The following SLC41A2 variants were observed in gnomAD, a reference collection of about 807,000 sequenced individuals.
The protein encoded by SLC41A2 is solute carrier family 41 member 2.
Under a neutral mutation model 58.3 loss-of-function variants are expected in SLC41A2, and 32 were observed. The ratio of observed to expected loss-of-function variants is 0.55; its 90% CI spans 0.41 to 0.74. The LOEUF is 0.74. Among genes scored for constraint, SLC41A2 ranks in the 30% least tolerant of loss-of-function variants. The probability of loss-of-function intolerance (pLI) is 0.00; values close to 1 mark genes in which losing one functional copy is unlikely to be tolerated. For missense variants in SLC41A2, 514 were observed against 680.6 expected (o/e 0.76, Z 2.72); for synonymous variants, 190 against 235.0 (o/e 0.81, Z 1.75).
At chr12:104,833,744 T>C (rs1416941019) in intron 10 of SLC41A2, among the ~76,000 whole-genome samples, 1 of 152,102 alleles carries the variant, frequency 6.6e-6, no homozygotes, top group African/African-American at 2.4e-5. Context: ...TAAAAATAGC[T>C]AAACATTTTC....
chr12:104,892,328 A>AAAAAAAAACAAAAAAAAAAAAC (rs1272873332), intron 4 of SLC41A2, among the ~76,000 whole-genome samples: 2 of 126,928 alleles, frequency 1.6e-5, no homozygotes, highest in African/African-American at 7.4e-5. Context: ...AAATAAAATA[A>AAAAAAAAACAAAAAAAAAAAAC]AATAAAATAT....
At chr12:104,927,176 A>G (rs2046877083) in intron 2 of SLC41A2, among the ~76,000 whole-genome samples, 1 of 152,226 alleles carries the variant, frequency 6.6e-6, no homozygotes, top group South Asian at 2.1e-4. Context: ...GCGACTTGAC[A>G]GTATCTACAA....
At chr12:104,816,841 T>A (rs1391636383) in intron 10 of SLC41A2, among the ~76,000 whole-genome samples, 1 of 152,158 alleles carries the variant, frequency 6.6e-6, no homozygotes, top group African/African-American at 2.4e-5. Flanking sequence ...AGGGGAGGAT[T>A]GGTTGCAGGA....
At position 104,856,756 on chromosome 12, in the gene SLC41A2, T is replaced by C. The variant is rs552094801; in HGVS notation, c.1255+4535A>G. The stretch of plus-strand genomic sequence containing the variant: ...AGATAGGGGTGAAAGAAGTTAAAAA[T>C]AGACATTGTTAGAGATACGAACAGA... On this transcript the variant is annotated intron_variant, in intron 8 of 10. Coordinates refer to ENST00000258538, the MANE Select transcript of SLC41A2 (RefSeq NM_001352171.3). Among the ~76,000 whole-genome samples the C allele has an allele frequency of 9.9e-5, 15 of 151,822 alleles. No homozygotes were observed. The East Asian group carries it at 1.7e-3, about 18-fold the overall frequency.
Position 104,909,677 on chromosome 12 carries a change from A to G in SLC41A2, c.641T>C (p.Leu214Ser). ...TACTGCAGTGGATAATCTGGATGCCAATGTCATTTCCAAGTTCCCTTTGAG... is the reference window on the plus strand; with the variant it reads ...TACTGCAGTGGATAATCTGGATGCCGATGTCATTTCCAAGTTCCCTTTGAG... Reference protein sequence around the residue: ...LGLKGNLEMTLASRLSTAVNI... With the variant: ...LGLKGNLEMTSASRLSTAVNI... Residue 214 changes from leucine to serine, a missense_variant, in exon 3 of 11, where the codon TTG becomes TCG. This residue lies in a region of SLC41A2 where 336 missense variants were observed against 430.0 expected (regional missense o/e 0.78). Transcript: ENST00000258538. 6.2e-7 allele frequency: 1 copy of G among 1,610,516 alleles called. No homozygotes were observed. The highest frequency in any genetic ancestry group is 8.5e-7 in the Non-Finnish European group (1 of 1,178,920).
Position 104,831,446 on chromosome 12 carries a change from C to T in SLC41A2, c.1536+13026G>A, listed in dbSNP as rs143456422. 1.8e-3 allele frequency among the ~76,000 whole-genome samples: 277 copies of T among 152,290 alleles called. 1 individual carries two copies. The highest frequency in any genetic ancestry group is 3.1e-3 in the Non-Finnish European group (208 of 68,004). On this transcript the variant is annotated intron_variant, in intron 10 of 10. Transcript: ENST00000258538. ...CCCACAGTCATGCTCCAAATAATGA[C>T]ATTTCTGTTAACAATGGACCACATA... is the stretch of plus-strand genomic sequence containing the variant.
chr12:104,855,796 CG>C (rs1473635784), intron 8 of SLC41A2, among the ~76,000 whole-genome samples: 3 of 152,098 alleles, frequency 2.0e-5, no homozygotes, highest in African/African-American at 7.2e-5. Context: ...AGGAAGTATG[CG>C]ATTGGGGATA....
intron 4 of SLC41A2, among the ~76,000 whole-genome samples, chr12:104,894,479 T>A (rs1593090899): frequency 6.6e-6 from 1 of 152,176 alleles, no homozygotes; most frequent in Admixed American, 6.5e-5. Flanking sequence ...ACAGCTGAGG[T>A]CAGATCTCAG....
chr12:104,822,605 G>GA (rs1217455708), intron 10 of SLC41A2, among the ~76,000 whole-genome samples: 3 of 151,996 alleles, frequency 2.0e-5, no homozygotes, highest in African/African-American at 7.3e-5. Flanking sequence ...TCAATAAACT[G>GA]AAAAACAAAA....
At chr12:104,873,341 ATGT>A (rs2043880644) in intron 6 of SLC41A2, among the ~76,000 whole-genome samples, 1 of 152,188 alleles carries the variant, frequency 6.6e-6, no homozygotes, top group Non-Finnish European at 1.5e-5. Context: ...AGGTTCATTC[ATGT>A]TGTTGCAAAT....
At chr12:104,872,563 G>A (rs371535301) in intron 6 of SLC41A2, among the ~76,000 whole-genome samples, 197 of 152,122 alleles carry the variant, frequency 1.3e-3, no homozygotes, top group Middle Eastern at 6.8e-3. Flanking sequence ...GCAAAATCCC[G>A]TCTCTACTAA....
At chr12:104,905,821 A>C (rs2045818397) in intron 3 of SLC41A2, among the ~76,000 whole-genome samples, 1 of 152,338 alleles carries the variant, frequency 6.6e-6, no homozygotes, top group Admixed American at 6.5e-5. Flanking sequence ...GGGGCCCACC[A>C]AGCCCACGCC....
chr12:104,840,732 T>G (rs2042381438), intron 10 of SLC41A2, among the ~76,000 whole-genome samples: 2 of 152,216 alleles, frequency 1.3e-5, no homozygotes, highest in Non-Finnish European at 2.9e-5. Context: ...AGCTTCCTTC[T>G]AATTGCAAGA....
intron 2 of SLC41A2, among the ~76,000 whole-genome samples, chr12:104,918,457 CTG>C (rs1251488870): frequency 6.6e-6 from 1 of 151,968 alleles, no homozygotes; most frequent in Non-Finnish European, 1.5e-5. Context: ...CATTATCTGT[CTG>C]AGAAGAATTT....
At chr12:104,908,873 GCC>G (rs2135775819) in intron 3 of SLC41A2, among the ~76,000 whole-genome samples, 1 of 151,998 alleles carries the variant, frequency 6.6e-6, no homozygotes, top group Non-Finnish European at 1.5e-5. Context: ...CCTAGAACAG[GCC>G]CTAAAAAAAT....
intron 10 of SLC41A2, among the ~76,000 whole-genome samples, chr12:104,828,926 A>G (rs528831795): frequency 1.3e-5 from 2 of 152,324 alleles, no homozygotes; most frequent in East Asian, 3.9e-4. Context: ...CATCAGATAA[A>G]TGCAAATTAT....
At chr12:104,839,299 A>T (rs1469781923) in intron 10 of SLC41A2, among the ~76,000 whole-genome samples, 1 of 152,144 alleles carries the variant, frequency 6.6e-6, no homozygotes, top group Non-Finnish European at 1.5e-5. Flanking sequence ...TAGCAGAAAA[A>T]ATATTTATAT....
At chr12:104,871,796 G>A (rs2043791563) in intron 6 of SLC41A2, among the ~76,000 whole-genome samples, 1 of 152,138 alleles carries the variant, frequency 6.6e-6, no homozygotes, top group Admixed American at 6.5e-5. Context: ...TTTTGTATAT[G>A]GCACTATAGG....
At chr12:104,853,910 G>GATTATTATTTTTATT (rs1415342230) in intron 8 of SLC41A2, among the ~76,000 whole-genome samples, 1 of 50,776 alleles carries the variant, frequency 2.0e-5, no homozygotes, top group African/African-American at 8.3e-5. Context: ...ATGCCTGGCT[G>GATTATTATTTTTATT]ATTTTTTTTT....
Sources: gnomAD v4.1 joint callset for allele counts (sites outside exome capture counted in the v4.1 genomes callset) on GRCh38, gnomAD v4.1.1 for gene constraint, gnomAD v4.1.1 regional missense constraint, MANE v1.5 for transcripts, NCBI Gene and HGNC (gene_info 2026-07-23, HGNC 2026-07-21) for gene names.